The following PTPRD variants were observed in gnomAD, a reference collection of about 807,000 sequenced individuals.
The protein encoded by PTPRD is protein tyrosine phosphatase receptor type D.
PTPRD carries 34 observed loss-of-function variants against 214.5 expected under a neutral mutation model. The ratio of observed to expected loss-of-function variants is 0.16; its 90% CI spans 0.12 to 0.21. The LOEUF (loss-of-function observed/expected upper bound fraction) is 0.21. Among genes scored for constraint, PTPRD ranks in the 10% least tolerant of loss-of-function variants. The pLI is 1.00. For missense variants in PTPRD, 2,545 were observed against 2,398.7 expected, an observed-to-expected ratio of 1.06 and a Z score of -1.27; for synonymous variants, 1,128 against 845.7, an observed-to-expected ratio of 1.33 and a Z score of -5.79.
chr9:8,423,716 G>A (rs2094498212), intron 35 of PTPRD, among the ~76,000 whole-genome samples: 1 of 151,948 alleles, frequency 6.6e-6, no homozygotes, highest in Admixed American at 6.6e-5. Flanking sequence ...GGTAGACTCT[G>A]GTCTATAACT....
intron 5 of PTPRD, among the ~76,000 whole-genome samples, chr9:9,905,367 A>T (rs1013237780): frequency 4.6e-5 from 7 of 151,970 alleles, no homozygotes; most frequent in Non-Finnish European, 7.4e-5. Flanking sequence ...TAGTAAATGA[A>T]CACTAAAGAG....
chr9:8,588,718 T>C (rs992828568), intron 14 of PTPRD, among the ~76,000 whole-genome samples: 3 of 152,162 alleles, frequency 2.0e-5, no homozygotes, highest in African/African-American at 7.2e-5. Context: ...TATCAGATAA[T>C]GCAAAGAAAA....
chr9:10,169,478 A>C (rs2099186500), intron 3 of PTPRD, among the ~76,000 whole-genome samples: 1 of 150,054 alleles, frequency 6.7e-6, no homozygotes, highest in Non-Finnish European at 1.5e-5. Context: ...TGTCTCAAAA[A>C]AAAAAAAAAA....
At chr9:10,535,293 T>C (rs1160616125) in intron 2 of PTPRD, among the ~76,000 whole-genome samples, 1 of 152,176 alleles carries the variant, frequency 6.6e-6, no homozygotes, top group East Asian at 1.9e-4. Flanking sequence ...ATTTTGTTTC[T>C]GTTTGCTTCA....
intron 39 of PTPRD, among the ~76,000 whole-genome samples, chr9:8,374,552 A>G (rs1178519202): frequency 6.6e-6 from 1 of 152,038 alleles, no homozygotes; most frequent in Non-Finnish European, 1.5e-5. Flanking sequence ...AAGAATCTAG[A>G]TAAGACTTGA....
chr9:8,442,895 T>A (rs774156106), intron 34 of PTPRD, among the ~76,000 whole-genome samples: 4 of 151,850 alleles, frequency 2.6e-5, no homozygotes, highest in East Asian at 1.9e-4. Flanking sequence ...AAGCAATGAA[T>A]GGCATAATTA....
At chr9:9,037,386 G>C (rs917764040) in intron 10 of PTPRD, among the ~76,000 whole-genome samples, 3 of 152,118 alleles carry the variant, frequency 2.0e-5, no homozygotes, top group African/African-American at 7.2e-5. Flanking sequence ...ACAATAGTTT[G>C]TGTTAGCAAA....
At chr9:10,210,451 G>A (rs574036191) in intron 3 of PTPRD, among the ~76,000 whole-genome samples, 22 of 152,022 alleles carry the variant, frequency 1.4e-4, no homozygotes, top group Non-Finnish European at 2.8e-4. Flanking sequence ...TGTAGACACT[G>A]CATTGACCAC....
chr9:10,156,052 C>A (rs900597683), intron 3 of PTPRD, among the ~76,000 whole-genome samples: 1 of 148,714 alleles, frequency 6.7e-6, no homozygotes, highest in Non-Finnish European at 1.5e-5. Context: ...AAAAACAACT[C>A]ATGGATTTTT....
At chr9:10,527,893 C>T (rs1418766496) in intron 2 of PTPRD, among the ~76,000 whole-genome samples, 2 of 152,082 alleles carry the variant, frequency 1.3e-5, no homozygotes, top group Admixed American at 6.6e-5. Flanking sequence ...AATTATGTGG[C>T]TTTCAAGTGA....
chr9:9,635,083 A>G (rs1018816628), intron 7 of PTPRD, among the ~76,000 whole-genome samples: 3 of 152,212 alleles, frequency 2.0e-5, no homozygotes, highest in African/African-American at 7.2e-5. Context: ...TTTTTAATGG[A>G]TTAGACCATT....
chr9:9,305,349 A>T (rs1956801562), intron 9 of PTPRD, among the ~76,000 whole-genome samples: 1 of 152,140 alleles, frequency 6.6e-6, no homozygotes, highest in Admixed American at 6.6e-5. Flanking sequence ...AACAGAAGAC[A>T]GTAAAATTCA....
chr9:9,926,936 T>C lies in PTPRD; in HGVS notation c.-368+11571A>G, dbSNP rs561994933. ...CACACCAAGATTAGTTTTAATAGGT[T>C]CAAGAATTGTTGATTTGTAACCTTA... On this transcript the variant is annotated intron_variant, in intron 5 of 45. Coordinates refer to ENST00000381196, the MANE Select transcript of PTPRD (RefSeq NM_002839.4). 8.3e-4 allele frequency among the ~76,000 whole-genome samples: 127 copies of C among 152,298 alleles called. 2 individuals carry two copies. Among genetic ancestry groups the C allele is most frequent in the African/African-American group, 2.9e-3 (122 of 41,582 alleles).
intron 3 of PTPRD, among the ~76,000 whole-genome samples, chr9:10,255,153 C>G (rs142255576): frequency 2.6e-5 from 4 of 152,160 alleles, no homozygotes; most frequent in Admixed American, 1.3e-4. Context: ...AAGAGTTGCT[C>G]TTTCACATGA....
intron 14 of PTPRD, among the ~76,000 whole-genome samples, chr9:8,547,126 AACCT>A: frequency 6.6e-6 from 1 of 152,312 alleles, no homozygotes; most frequent in Non-Finnish European, 1.5e-5. Flanking sequence ...TTGTAGATAC[AACCT>A]TTTAAAAATA....
intron 3 of PTPRD, among the ~76,000 whole-genome samples, chr9:10,197,239 G>C (rs149728960): frequency 6.6e-6 from 1 of 152,128 alleles, no homozygotes; most frequent in East Asian, 1.9e-4. Flanking sequence ...TTCTGTTTAT[G>C]ATAACTTACT....
At position 9,997,786 on chromosome 9, in the gene PTPRD, A is replaced by T. The variant is rs550583471; in HGVS notation, c.-472+35932T>A. The stretch of plus-strand genomic sequence containing the variant: ...GGGTGATTAGAAAGTAGGTGCACCC[A>T]ACATGGCCAACATGGCAATTCCCAC... On this transcript the variant is annotated intron_variant, in intron 4 of 45. Transcript: ENST00000381196. 5.5e-4 allele frequency among the ~76,000 whole-genome samples: 84 copies of T among 152,234 alleles called. 1 individual carries two copies. Among genetic ancestry groups the T allele is most frequent in the African/African-American group, 1.8e-3 (75 of 41,540 alleles).
At chr9:9,890,497 C>G (rs1460511277) in intron 5 of PTPRD, among the ~76,000 whole-genome samples, 1 of 152,068 alleles carries the variant, frequency 6.6e-6, no homozygotes, top group Non-Finnish European at 1.5e-5. Flanking sequence ...CATGACCAGC[C>G]AGTAATTCTT....
At chr9:9,552,271 A>T (rs926333261) in intron 8 of PTPRD, among the ~76,000 whole-genome samples, 2 of 152,038 alleles carry the variant, frequency 1.3e-5, no homozygotes, top group Admixed American at 1.3e-4. Flanking sequence ...CATAAAGAGT[A>T]TTGAAGAAGG....
Sources: gnomAD v4.1 joint callset for allele counts (sites outside exome capture counted in the v4.1 genomes callset) on GRCh38, gnomAD v4.1.1 for gene constraint, MANE v1.5 for transcripts, NCBI Gene and HGNC (gene_info 2026-07-23, HGNC 2026-07-21) for gene names.